PTPRD: variants seen among roughly 807,000 people sequenced by gnomAD.
PTPRD encodes protein tyrosine phosphatase receptor type D.
Under a neutral mutation model 214.5 loss-of-function variants are expected in PTPRD, and 34 were observed. The observed-to-expected ratio is 0.16, with a 90% CI of 0.12 to 0.21. The LOEUF is 0.21. PTPRD is among the 10% of genes least tolerant of loss of function. The probability of loss-of-function intolerance (pLI) is 1.00; values close to 1 mark genes in which losing one functional copy is unlikely to be tolerated. For synonymous variants in PTPRD, 1,128 were observed against 845.7 expected (o/e 1.33, Z -5.79); for missense variants, 2,545 against 2,398.7 (o/e 1.06, Z -1.27).
chr9:8,392,041 T>A (rs754806702), intron 36 of PTPRD, among the ~76,000 whole-genome samples: 16 of 152,118 alleles, frequency 1.1e-4, no homozygotes, highest in Admixed American at 2.0e-4. Context: ...AAATGTTGCC[T>A]GAAGACTACT....
chr9:9,919,404 CAT>C (rs2081913127), intron 5 of PTPRD, among the ~76,000 whole-genome samples: 1 of 152,136 alleles, frequency 6.6e-6, no homozygotes, highest in Non-Finnish European at 1.5e-5. Context: ...TCTTTCAACT[CAT>C]GTGCCATTTT....
chr9:8,815,535 AAAAC>A (rs1280053675), intron 11 of PTPRD, among the ~76,000 whole-genome samples: 1 of 152,224 alleles, frequency 6.6e-6, no homozygotes, highest in African/African-American at 2.4e-5. Context: ...TCATCAAAAT[AAAAC>A]AAAAACTCCA....
intron 2 of PTPRD, among the ~76,000 whole-genome samples, chr9:10,492,527 G>C (rs967819379): frequency 1.3e-5 from 2 of 152,010 alleles, no homozygotes; most frequent in Non-Finnish European, 2.9e-5. Flanking sequence ...AGAAATGTCT[G>C]TTCATATCCT....
At chr9:10,468,220 A>G (rs1177257402) in intron 2 of PTPRD, among the ~76,000 whole-genome samples, 12 of 152,180 alleles carry the variant, frequency 7.9e-5, no homozygotes, top group Admixed American at 7.9e-4. Flanking sequence ...ATTGCAGTAC[A>G]ATTCACAATA....
At chr9:9,306,877 G>A (rs1013480134) in intron 9 of PTPRD, among the ~76,000 whole-genome samples, 7 of 152,188 alleles carry the variant, frequency 4.6e-5, no homozygotes, top group African/African-American at 1.4e-4. Context: ...GAGTAATGGT[G>A]TTTGGCATGT....
At chr9:10,151,331 C>G (rs371086859) in intron 3 of PTPRD, among the ~76,000 whole-genome samples, 1 of 132,144 alleles carries the variant, frequency 7.6e-6, no homozygotes, top group Non-Finnish European at 1.5e-5. Context: ...GGTGCGATCT[C>G]GGCTCACTGC....
intron 2 of PTPRD, among the ~76,000 whole-genome samples, chr9:10,352,094 T>A (rs959000565): frequency 6.6e-6 from 1 of 152,042 alleles, no homozygotes; most frequent in African/African-American, 2.4e-5. Flanking sequence ...TGGACTCTGC[T>A]TGTAGTTCTA....
chr9:9,359,076 C>T (rs192620787), intron 9 of PTPRD, among the ~76,000 whole-genome samples: 45 of 151,434 alleles, frequency 3.0e-4, no homozygotes, highest in South Asian at 8.3e-4. Flanking sequence ...GCCATTATCT[C>T]AAACTGTGAA....
Position 10,416,306 on chromosome 9 carries a change from C to G in PTPRD, c.-599-75289G>C, listed in dbSNP as rs1375246725. Among the ~76,000 whole-genome samples the G allele has an allele frequency of 1.3e-5, 2 of 151,946 alleles. 1 individual carries two copies. Among genetic ancestry groups the G allele is most frequent in the East Asian group, 3.9e-4 (2 of 5,098 alleles). On this transcript the variant is annotated intron_variant, in intron 2 of 45. Coordinates refer to ENST00000381196, the MANE Select transcript of PTPRD (RefSeq NM_002839.4). ...CTGGGAGGCAGAGTGTTGCAGTGAG[C>G]CAAGATAGTACCATTGCACTCCAGC...
intron 2 of PTPRD, among the ~76,000 whole-genome samples, chr9:10,485,795 C>T (rs2132407561): frequency 6.6e-6 from 1 of 151,896 alleles, no homozygotes; most frequent in East Asian, 1.9e-4. Flanking sequence ...ATGATCATAT[C>T]GTTTGCAGAC....
intron 2 of PTPRD, among the ~76,000 whole-genome samples, chr9:10,546,651 A>T (rs1454908039): frequency 2.0e-5 from 3 of 152,064 alleles, no homozygotes; most frequent in Non-Finnish European, 4.4e-5. Flanking sequence ...CTAGGAGAGG[A>T]TCCATTTTTA....
chr9:8,972,363 C>T (rs2099243669), intron 11 of PTPRD, among the ~76,000 whole-genome samples: 1 of 151,872 alleles, frequency 6.6e-6, no homozygotes, highest in Non-Finnish European at 1.5e-5. Flanking sequence ...GTTAACACAT[C>T]CTGATTCAAA....
intron 5 of PTPRD, among the ~76,000 whole-genome samples, chr9:9,931,231 G>A (rs151056163): frequency 1.3e-5 from 2 of 152,140 alleles, no homozygotes; most frequent in Non-Finnish European, 2.9e-5. Flanking sequence ...AGCCAAGATG[G>A]CCGAATAGGA....
At chr9:9,622,263 G>C (rs1040991585) in intron 7 of PTPRD, among the ~76,000 whole-genome samples, 3 of 152,096 alleles carry the variant, frequency 2.0e-5, no homozygotes, top group African/African-American at 4.8e-5. Context: ...AAGATAAATA[G>C]GGTTATTTTC....
intron 9 of PTPRD, among the ~76,000 whole-genome samples, chr9:9,254,749 G>A (rs1436442693): frequency 1.3e-5 from 2 of 151,968 alleles, no homozygotes; most frequent in Non-Finnish European, 2.9e-5. Context: ...AAAATTCACT[G>A]TTTTTAAACG....
At chr9:9,952,800 G>C (rs1017272814) in intron 4 of PTPRD, among the ~76,000 whole-genome samples, 1 of 152,074 alleles carries the variant, frequency 6.6e-6, no homozygotes, top group African/African-American at 2.4e-5. Context: ...TTAGAGTGAG[G>C]GCTATGGAGA....
intron 9 of PTPRD, among the ~76,000 whole-genome samples, chr9:9,366,826 C>T (rs901543384): frequency 6.6e-6 from 1 of 150,912 alleles, no homozygotes; most frequent in Non-Finnish European, 1.5e-5. Flanking sequence ...ATGAATAGAG[C>T]TAAATACATT....
intron 7 of PTPRD, among the ~76,000 whole-genome samples, chr9:9,690,542 A>G (rs2097251815): frequency 6.6e-6 from 1 of 151,862 alleles, no homozygotes; most frequent in Non-Finnish European, 1.5e-5. Context: ...CCCTCAAATC[A>G]TTGCCCAGAG....
chr9:9,470,303 C>A (rs1589253991), intron 8 of PTPRD, among the ~76,000 whole-genome samples: 1 of 152,006 alleles, frequency 6.6e-6, no homozygotes, highest in South Asian at 2.1e-4. Context: ...TGAAACCTAC[C>A]ATCTTCATCT....
Sources: gnomAD v4.1 joint callset for allele counts (sites outside exome capture counted in the v4.1 genomes callset) on GRCh38, gnomAD v4.1.1 for gene constraint, MANE v1.5 for transcripts, NCBI Gene and HGNC (gene_info 2026-07-23, HGNC 2026-07-21) for gene names.